The following POC1B variants were observed in gnomAD, a reference collection of about 807,000 sequenced individuals.
The protein encoded by POC1B is POC1 centriolar protein homolog B.
POC1B carries 44 observed loss-of-function variants against 60.6 expected under a neutral mutation model. That is an observed-to-expected ratio of 0.73 (90% CI 0.57 to 0.93). The LOEUF (loss-of-function observed/expected upper bound fraction) is 0.93, where lower values mean the gene tolerates loss of function less well. Among genes scored for constraint, POC1B ranks in the 40% least tolerant of loss-of-function variants. The pLI, the probability that POC1B is intolerant of heterozygous loss-of-function variation, is 0.00. For synonymous variants in POC1B, 180 were observed against 198.9 expected (o/e 0.90, Z 0.80); for missense variants, 555 against 572.3 (o/e 0.97, Z 0.31).
At chr12:89,451,598 G>GGCC (rs1233012771) in intron 10 of POC1B, among the ~76,000 whole-genome samples, 2 of 152,166 alleles carry the variant, frequency 1.3e-5, no homozygotes. Context: ...GAAAGAACTA[G>GGCC]GCCGGGACCA....
the POC1B span, among the ~76,000 whole-genome samples, chr12:89,412,318 G>A: frequency 6.6e-6 from 1 of 151,450 alleles, no homozygotes; most frequent in Non-Finnish European, 1.5e-5. Flanking sequence ...AAAGTGATCC[G>A]TGCTGGCATT....
the POC1B span, among the ~76,000 whole-genome samples, chr12:89,412,353 T>G: frequency 9.1e-6 from 1 of 110,382 alleles, no homozygotes; most frequent in East Asian, 2.0e-4. Context: ...TTTGTTTCTT[T>G]TTTCTTTTTT....
chr12:89,452,222 G>A (rs752037511), intron 10 of POC1B, among the ~76,000 whole-genome samples: 5 of 152,032 alleles, frequency 3.3e-5, no homozygotes, highest in Non-Finnish European at 5.9e-5. Context: ...CGGGACAGTC[G>A]GTATTACTGC....
At chr12:89,519,111 T>C (rs2135769382) in intron 2 of POC1B, among the ~76,000 whole-genome samples, 1 of 152,274 alleles carries the variant, frequency 6.6e-6, no homozygotes, top group East Asian at 1.9e-4. Flanking sequence ...GTAGTGAAAT[T>C]GGTGCTAATA....
intron 2 of POC1B, among the ~76,000 whole-genome samples, chr12:89,511,609 C>T (rs1328648157): frequency 6.6e-6 from 1 of 152,024 alleles, no homozygotes; most frequent in African/African-American, 2.4e-5. Flanking sequence ...GCTGCATTTC[C>T]AGGTTCATGC....
At chr12:89,428,568 T>A (rs1232364312) in intron 10 of POC1B, 1 of 152,276 alleles carries the variant, frequency 6.6e-6, no homozygotes, top group African/African-American at 2.4e-5. Flanking sequence ...TACAGATTTT[T>A]TTTTTTGAGA....
intron 2 of POC1B, chr12:89,502,393 C>G (rs1869618701): frequency 6.4e-7 from 1 of 1,553,736 alleles, no homozygotes; most frequent in South Asian, 1.1e-5. Context: ...TCAAGGAAGG[C>G]CATCAGGAGG....
At chr12:89,523,425 G>A in intron 2 of POC1B, 1 of 1,614,018 alleles carries the variant, frequency 6.2e-7, no homozygotes, top group Non-Finnish European at 8.5e-7. Flanking sequence ...TATTCTGTAG[G>A]AAATTGGGGC....
intron 2 of POC1B, chr12:89,501,999 T>C (rs1377542733): frequency 8.3e-6 from 8 of 965,556 alleles, no homozygotes; most frequent in Admixed American, 3.4e-5. Context: ...AAAATCTGGA[T>C]TGTTCTAGAT....
In POC1B at chr12:89,419,754, A is replaced by G. The variant is rs1280205411; in HGVS notation, c.*1399T>C. 1 of 152,240 alleles carries G rather than the reference A, an allele frequency of 6.6e-6. No homozygotes were observed. Among genetic ancestry groups the G allele is most frequent in the African/African-American group, 2.4e-5 (1 of 41,482 alleles). 9.4% of individuals were successfully genotyped at this position (152,240 alleles called of 1,614,324 possible). A position where few individuals can be genotyped will look rare whatever the true frequency, so the allele number is the denominator to read the frequency against. On this transcript the variant is annotated 3_prime_UTR_variant, in exon 12 of 12. Transcript: ENST00000313546. ...AAGCAGAAATGTCTTTATTGTTTGA[A>G]GCATGACAAAATAAAATTGATAGGA... is the stretch of plus-strand genomic sequence containing the variant.
chr12:89,435,110 T>A (rs1327670958), intron 10 of POC1B, among the ~76,000 whole-genome samples: 4 of 151,206 alleles, frequency 2.6e-5, no homozygotes, highest in Non-Finnish European at 5.9e-5. Context: ...TTTAACCCTA[T>A]GATAAAGATT....
chr12:89,418,687 A>T (rs575239105), downstream of POC1B, among the ~76,000 whole-genome samples: 16 of 152,196 alleles, frequency 1.1e-4, no homozygotes, highest in African/African-American at 3.1e-4. Context: ...ACTGACTGTT[A>T]AAAAGAACTT....
intron 2 of POC1B, among the ~76,000 whole-genome samples, chr12:89,517,895 C>A (rs1391219898): frequency 6.6e-6 from 1 of 152,080 alleles, no homozygotes; most frequent in African/African-American, 2.4e-5. Context: ...TAGAGTGCCT[C>A]CTCTTCCCCT....
At chr12:89,524,211 A>AGT in intron 2 of POC1B, 1 of 1,613,994 alleles carries the variant, frequency 6.2e-7, no homozygotes. Context: ...CTATGTGTCG[A>AGT]TGCAGGGAAA....
At chr12:89,491,667 C>T (rs746350888) in intron 4 of POC1B, among the ~76,000 whole-genome samples, 3 of 150,710 alleles carry the variant, frequency 2.0e-5, no homozygotes, top group African/African-American at 7.3e-5. Context: ...AAAAATTACG[C>T]GCCCCCTTCT....
chr12:89,450,844 T>C (rs1882010422), intron 10 of POC1B, among the ~76,000 whole-genome samples: 1 of 152,208 alleles, frequency 6.6e-6, no homozygotes, highest in Admixed American at 6.5e-5. Context: ...TTTAGGATGA[T>C]TTACTATGTA....
intron 10 of POC1B, among the ~76,000 whole-genome samples, chr12:89,454,481 A>C (rs965034067): frequency 4.6e-5 from 7 of 152,134 alleles, no homozygotes; most frequent in Non-Finnish European, 1.0e-4. Flanking sequence ...CTGTTAAGAC[A>C]CAAGTCACGT....
intron 10 of POC1B, among the ~76,000 whole-genome samples, chr12:89,439,359 T>G (rs933700224): frequency 6.6e-6 from 1 of 152,150 alleles, no homozygotes; most frequent in South Asian, 2.1e-4. Flanking sequence ...TATATATTCG[T>G]CCTCTGCCTA....
Position 89,525,945 on chromosome 12 carries a change from G to A in POC1B, c.-50C>T. The A allele has an allele frequency of 6.5e-7, 1 of 1,537,636 alleles. No individual in the cohort carries two copies. The highest frequency in any genetic ancestry group is 1.2e-5 in the South Asian group (1 of 82,720). On this transcript the variant is annotated 5_prime_UTR_variant, in exon 1 of 12. Coordinates refer to ENST00000313546, the MANE Select transcript of POC1B (RefSeq NM_172240.3). ...CCTGTGGGTGGGGGAACCCGGAGAG[G>A]GGAGGGGAGAGGATGGGGAAGGAGA...
Sources: allele counts gnomAD v4.1 joint callset (sites outside exome capture counted in the v4.1 genomes callset), GRCh38; gene constraint gnomAD v4.1.1; transcripts MANE v1.5; gene names NCBI Gene and HGNC (gene_info 2026-07-23, HGNC 2026-07-21).